The following ZSCAN5A variants were observed in gnomAD, a reference collection of about 807,000 sequenced individuals.
ZSCAN5A encodes zinc finger and SCAN domain containing 5A, also known as zinc finger and SCAN domain-containing protein 5A.
Under a neutral mutation model 23.7 loss-of-function variants are expected in ZSCAN5A, and 12 were observed. That is an observed-to-expected ratio of 0.51 (90% CI 0.32 to 0.82). The LOEUF is 0.82. Ranked by LOEUF, ZSCAN5A falls within the 40% of genes least tolerant of loss-of-function variation. ZSCAN5A has a pLI of 0.03. For synonymous variants in ZSCAN5A, 257 were observed against 239.9 expected, an observed-to-expected ratio of 1.07 and a Z score of -0.66; for missense variants, 597 against 617.9, an observed-to-expected ratio of 0.97 and a Z score of 0.36.
chr19:56,268,649 T>C (rs1441916352), intron 2 of ZSCAN5A, among the ~76,000 whole-genome samples: 2 of 152,208 alleles, frequency 1.3e-5, no homozygotes, highest in African/African-American at 4.8e-5. Flanking sequence ...ATTCATATGA[T>C]ATAAAATTAA....
At chr19:56,304,603 T>G (rs902458487) in intron 2 of ZSCAN5A, among the ~76,000 whole-genome samples, 1 of 150,342 alleles carries the variant, frequency 6.7e-6, no homozygotes, top group Non-Finnish European at 1.5e-5. Flanking sequence ...GGGAAGAAGG[T>G]GGGAGTGGTG....
chr19:56,250,309 G>T (rs1005777119), intron 2 of ZSCAN5A, among the ~76,000 whole-genome samples: 1 of 152,160 alleles, frequency 6.6e-6, no homozygotes, highest in African/African-American at 2.4e-5. Context: ...TTGGAAATCA[G>T]GTTTAAAAAA....
chr19:56,252,489 T>C (rs2036414278), intron 2 of ZSCAN5A, among the ~76,000 whole-genome samples: 1 of 152,090 alleles, frequency 6.6e-6, no homozygotes, highest in Admixed American at 6.5e-5. Flanking sequence ...TGAATGTGGC[T>C]TGAGAGGGCA....
At chr19:56,319,994 ATACT>A in intron 2 of ZSCAN5A, 3 of 926,752 alleles carry the variant, frequency 3.2e-6, no homozygotes, top group Non-Finnish European at 5.4e-6. Context: ...TTGGACATTG[ATACT>A]CTCTAATACA....
intron 2 of ZSCAN5A, among the ~76,000 whole-genome samples, chr19:56,362,290 G>A (rs2041738876): frequency 6.6e-6 from 1 of 152,094 alleles, no homozygotes; most frequent in Admixed American, 6.5e-5. Context: ...CATTATGCCG[G>A]GCACTATGGC....
Position 56,359,124 on chromosome 19 carries a change from G to A in ZSCAN5A, c.-358+4111C>T, listed in dbSNP as rs201059535. On this transcript the variant is annotated intron_variant, in intron 2 of 6. Coordinates refer to the ZSCAN5A transcript ENST00000587340. ...ACACAAAACACCCTTCAAAAAAATC[G>A]ACAAATCCAGGAGCTGGTTCTTTGA... Among the ~76,000 whole-genome samples, 4 of 150,334 alleles carry A rather than the reference G, an allele frequency of 2.7e-5. No individual in the cohort carries two copies. The East Asian group carries it at 7.9e-4, about 30-fold the overall frequency.
chr19:56,288,128 G>A (rs189530655), intron 2 of ZSCAN5A, among the ~76,000 whole-genome samples: 5 of 152,284 alleles, frequency 3.3e-5, no homozygotes, highest in East Asian at 1.9e-4. Flanking sequence ...CATGGTGTCC[G>A]CTGTTCTTAG....
intron 2 of ZSCAN5A, among the ~76,000 whole-genome samples, chr19:56,322,855 C>T (rs538895986): frequency 6.7e-6 from 1 of 150,098 alleles, no homozygotes; most frequent in South Asian, 2.1e-4. Flanking sequence ...TTGTTAGACT[C>T]TCTTGGTTTT....
chr19:56,342,873 A>C (rs1568760847), intron 2 of ZSCAN5A: 4 of 950,546 alleles, frequency 4.2e-6, no homozygotes, highest in Non-Finnish European at 6.9e-6. Context: ...ATCATTGCAC[A>C]GTACCCACTT....
In ZSCAN5A at chr19:56,225,728, CTCT is replaced by C. The variant is rs567167050; in HGVS notation, c.-127-558_-127-556del. ...TTCATAAATTTCATCATTTTTTACTCTCTTCAAGTTCACGATTTTATGGGACTA... is the reference window on the plus strand; with the variant it reads ...TTCATAAATTTCATCATTTTTTACTCTCAAGTTCACGATTTTATGGGACTA... On this transcript the variant is annotated intron_variant, in intron 2 of 5. Transcript: ENST00000683990. Among the ~76,000 whole-genome samples the C allele has an allele frequency of 9.9e-5, 15 of 152,252 alleles. No homozygotes were observed. In the East Asian group the frequency reaches 2.9e-3, roughly 29 times the overall value.
chr19:56,248,450 G>T (rs1033310250), intron 2 of ZSCAN5A, among the ~76,000 whole-genome samples: 1 of 151,986 alleles, frequency 6.6e-6, no homozygotes, highest in African/African-American at 2.4e-5. Flanking sequence ...TGTAGAGAGG[G>T]GTTTTGCCAC....
At chr19:56,331,036 A>G (rs767576929) in intron 2 of ZSCAN5A, among the ~76,000 whole-genome samples, 1 of 152,190 alleles carries the variant, frequency 6.6e-6, no homozygotes, top group Non-Finnish European at 1.5e-5. Flanking sequence ...CTAGCCAGCA[A>G]TCTCAGCACC....
At chr19:56,366,156 G>T (rs951173508) in intron 1 of ZSCAN5A, among the ~76,000 whole-genome samples, 1 of 152,196 alleles carries the variant, frequency 6.6e-6, no homozygotes, top group Non-Finnish European at 1.5e-5. Context: ...GGAAGGACTT[G>T]TGAAATTCAT....
At chr19:56,321,716 C>G (rs1192502336) in intron 2 of ZSCAN5A, 2 of 1,416,196 alleles carry the variant, frequency 1.4e-6, no homozygotes, top group Admixed American at 3.3e-5. Flanking sequence ...TTCAAGGGCT[C>G]TTGATTTGCT....
intron 2 of ZSCAN5A, among the ~76,000 whole-genome samples, chr19:56,337,735 G>A (rs116451201): frequency 0.015 from 2,306 of 152,246 alleles, 49 homozygotes; most frequent in African/African-American, 0.052. Context: ...GGCTCCACCC[G>A]CCCTGTACTT....
At chr19:56,281,131 G>A (rs759128013) in intron 2 of ZSCAN5A, among the ~76,000 whole-genome samples, 4 of 152,158 alleles carry the variant, frequency 2.6e-5, no homozygotes, top group Non-Finnish European at 5.9e-5. Context: ...AAAAGAAAAT[G>A]TTATTAAGAA....
At chr19:56,319,824 G>A (rs2041356486), upstream of ZSCAN5A, 1 of 779,594 alleles carries the variant, frequency 1.3e-6, no homozygotes, top group Non-Finnish European at 2.4e-6. Flanking sequence ...CTTCTGTCGA[G>A]GTTCTCTTCT....
intron 2 of ZSCAN5A, among the ~76,000 whole-genome samples, chr19:56,277,407 T>C (rs2038347039): frequency 6.6e-6 from 1 of 152,156 alleles, no homozygotes; most frequent in South Asian, 2.1e-4. Flanking sequence ...CTTGAAAACA[T>C]TATTCTCAGT....
chr19:56,353,445 T>G (rs555872423), intron 2 of ZSCAN5A, among the ~76,000 whole-genome samples: 1 of 152,322 alleles, frequency 6.6e-6, no homozygotes, highest in East Asian at 1.9e-4. Context: ...TCCCTCCATG[T>G]TGGCTGCACA....
Sources: gnomAD v4.1 joint callset for allele counts (sites outside exome capture counted in the v4.1 genomes callset) on GRCh38, gnomAD v4.1.1 for gene constraint, MANE v1.5 for transcripts, NCBI Gene and HGNC (gene_info 2026-07-23, HGNC 2026-07-21) for gene names.